Variants in MALRD1 observed in about 807,000 individuals in gnomAD.
The protein encoded by MALRD1 is MAM and LDL-receptor class A domain-containing protein 1.
Under a neutral mutation model 242.1 loss-of-function variants are expected in MALRD1, and 247 were observed. The ratio of observed to expected loss-of-function variants is 1.02; its 90% CI spans 0.92 to 1.13. The LOEUF (loss-of-function observed/expected upper bound fraction) is 1.13, where lower values mean the gene tolerates loss of function less well. MALRD1 is among the 50% of genes most tolerant of loss of function. The pLI, the probability that MALRD1 is intolerant of heterozygous loss-of-function variation, is 0.00. For synonymous variants in MALRD1, 995 were observed against 866.6 expected, an observed-to-expected ratio of 1.15 and a Z score of -2.60; for missense variants, 2,989 against 2,533.1, an observed-to-expected ratio of 1.18 and a Z score of -3.86.
At chr10:19,459,886 C>G (rs986517133) in intron 29 of MALRD1, among the ~76,000 whole-genome samples, 3 of 151,480 alleles carry the variant, frequency 2.0e-5, no homozygotes, top group Non-Finnish European at 4.4e-5. Context: ...AATTATTTGA[C>G]CAGACATTTT....
chr10:19,605,295 C>T (rs1021762367), intron 34 of MALRD1, among the ~76,000 whole-genome samples: 10 of 151,542 alleles, frequency 6.6e-5, no homozygotes, highest in Non-Finnish European at 1.3e-4. Flanking sequence ...GCTGGCACTA[C>T]AGGCATGAGC....
At chr10:19,165,872 A>G in intron 13 of MALRD1, 62 bp downstream of exon 13, 6 of 1,168,368 alleles carry the variant, frequency 5.1e-6, no homozygotes, top group Non-Finnish European at 6.4e-6. Context: ...TAAACCTTTC[A>G]GATAACAATA....
intron 19 of MALRD1, among the ~76,000 whole-genome samples, chr10:19,272,009 A>G (rs1230305358): frequency 6.6e-6 from 1 of 152,140 alleles, no homozygotes; most frequent in Admixed American, 6.5e-5. Flanking sequence ...AAAAATTTAT[A>G]CATTTCATAA....
intron 33 of MALRD1, among the ~76,000 whole-genome samples, chr10:19,590,912 A>G (rs1837744452): frequency 1.3e-5 from 2 of 152,226 alleles, no homozygotes; most frequent in African/African-American, 4.8e-5. Flanking sequence ...CCCAAAGTCC[A>G]TAGTATACAT....
chr10:19,222,617 G>A (rs1264872091), intron 18 of MALRD1, among the ~76,000 whole-genome samples: 1 of 152,182 alleles, frequency 6.6e-6, no homozygotes, highest in South Asian at 2.1e-4. Context: ...TATGTAAGTA[G>A]ATAAACAAAA....
At chr10:19,127,909 T>C (rs1231728280) in intron 7 of MALRD1, among the ~76,000 whole-genome samples, 1 of 152,092 alleles carries the variant, frequency 6.6e-6, no homozygotes. Context: ...TAAAAGAAAA[T>C]GGCAATAATT....
intron 14 of MALRD1, among the ~76,000 whole-genome samples, chr10:19,200,163 T>A (rs1235077870): frequency 2.0e-5 from 3 of 152,080 alleles, no homozygotes; most frequent in African/African-American, 7.2e-5. Context: ...ACAATAATAT[T>A]TTCTTTGATA....
chr10:19,399,945 G>A (rs1176683486), intron 28 of MALRD1, among the ~76,000 whole-genome samples: 7 of 152,100 alleles, frequency 4.6e-5, no homozygotes, highest in Non-Finnish European at 1.0e-4. Flanking sequence ...GAGCAGTTTG[G>A]GATATACTAT....
chr10:19,549,026 G>C (rs1418508906), intron 32 of MALRD1, among the ~76,000 whole-genome samples: 58 of 152,164 alleles, frequency 3.8e-4, no homozygotes. Flanking sequence ...AAGCAAAACA[G>C]CCTTAGTGCT....
intron 38 of MALRD1, among the ~76,000 whole-genome samples, chr10:19,705,433 C>T (rs891878777): frequency 6.6e-6 from 1 of 152,168 alleles, no homozygotes; most frequent in African/African-American, 2.4e-5. Context: ...ACTCTCTCCA[C>T]GTGTCCACAT....
intron 28 of MALRD1, among the ~76,000 whole-genome samples, chr10:19,442,942 C>G (rs1834752848): frequency 6.6e-6 from 1 of 152,168 alleles, no homozygotes; most frequent in Non-Finnish European, 1.5e-5. Context: ...GTGAATCCAT[C>G]TCGTCCTGGA....
chr10:19,590,104 C>T (rs1314366853), intron 33 of MALRD1, among the ~76,000 whole-genome samples: 1 of 151,946 alleles, frequency 6.6e-6, no homozygotes, highest in Non-Finnish European at 1.5e-5. Context: ...AGACACAGTA[C>T]ATTTATCAAA....
intron 26 of MALRD1, among the ~76,000 whole-genome samples, chr10:19,378,932 C>G (rs138807141): frequency 6.6e-6 from 1 of 152,022 alleles, no homozygotes; most frequent in African/African-American, 2.4e-5. Flanking sequence ...CAAATTTTGC[C>G]CTAGAGTCTT....
chr10:19,225,375 C>T (rs933111234), intron 18 of MALRD1, among the ~76,000 whole-genome samples: 5 of 152,058 alleles, frequency 3.3e-5, no homozygotes, highest in African/African-American at 1.2e-4. Flanking sequence ...ACATCAAAAC[C>T]TCTGTTTATA....
chr10:19,539,086 GA>G (rs1370243067), intron 32 of MALRD1, among the ~76,000 whole-genome samples: 1 of 152,038 alleles, frequency 6.6e-6, no homozygotes, highest in East Asian at 1.9e-4. Flanking sequence ...TAAAAGCAGA[GA>G]AAAAAATGGA....
intron 24 of MALRD1, among the ~76,000 whole-genome samples, chr10:19,345,521 A>G (rs570998921): frequency 4.9e-4 from 75 of 152,296 alleles, no homozygotes; most frequent in African/African-American, 1.5e-3. Flanking sequence ...TCAGTATTCT[A>G]TACTACAAGA....
rs1838521118 is a variant in MALRD1, at chr10:19,604,651, C to T, written c.5945-3126C>T. Among the ~76,000 whole-genome samples, 3 of 152,236 alleles carry T rather than the reference C, an allele frequency of 2.0e-5. No individual in the cohort carries two copies. In the South Asian group the frequency reaches 6.2e-4, roughly 32 times the overall value. On this transcript the variant is annotated intron_variant, in intron 34 of 39. Transcript: ENST00000454679. ...GCACTGAACAACGGATTTTCAGTGT[C>T]AATGAAAGAGCCTTCTATTGGAAGA...
At position 19,280,206 on chromosome 10, in the gene MALRD1, C is replaced by T; in HGVS notation, c.3239C>T (p.Ser1080Leu). Residue 1080 changes from serine (S) to leucine (L), a missense_variant, in exon 20 of 40, where the codon TCA (serine) becomes TTA (leucine). Physicochemically the swap from Ser to Leu is moderately radical, Grantham distance 145. Transcript: ENST00000454679. Reference sequence around the variant, plus strand: ...TTTAAATATGACTGCCCTGACAAATCAGATGAAGCATCCTGTGGTAGGTGG... The same window carrying T: ...TTTAAATATGACTGCCCTGACAAATTAGATGAAGCATCCTGTGGTAGGTGG... ...CDFKYDCPDKSDEASCVMEVC... is the reference protein window; with the variant it reads ...CDFKYDCPDKLDEASCVMEVC... 1 of 1,510,662 alleles carries T rather than the reference C, an allele frequency of 6.6e-7. No homozygotes were observed. The highest frequency in any genetic ancestry group is 8.8e-7 in the Non-Finnish European group (1 of 1,132,452). 93.6% of individuals were successfully genotyped at this position (1,510,662 alleles called of 1,614,324 possible). A position where few individuals can be genotyped will look rare whatever the true frequency, so the allele number is the denominator to read the frequency against.
At chr10:19,154,500 T>A (rs571305809) in intron 11 of MALRD1, among the ~76,000 whole-genome samples, 3 of 152,208 alleles carry the variant, frequency 2.0e-5, no homozygotes, top group Non-Finnish European at 4.4e-5. Flanking sequence ...ACCTGTGATC[T>A]TTTAAGCTGC....
Sources: gnomAD v4.1 joint callset for allele counts (sites outside exome capture counted in the v4.1 genomes callset) on GRCh38, gnomAD v4.1.1 for gene constraint, MANE v1.5 for transcripts, NCBI Gene and HGNC (gene_info 2026-07-23, HGNC 2026-07-21) for gene names.